KIAA1328: variants seen among roughly 807,000 people sequenced by gnomAD.
KIAA1328 encodes the protein protein hinderin.
Under a neutral mutation model 68.1 loss-of-function variants are expected in KIAA1328, and 52 were observed. That is an observed-to-expected ratio of 0.76 (90% CI 0.61 to 0.96). The LOEUF (loss-of-function observed/expected upper bound fraction) is 0.96. KIAA1328 is among the 40% of genes least tolerant of loss of function. The pLI is 0.00. For synonymous variants in KIAA1328, 232 were observed against 239.4 expected (o/e 0.97, Z 0.28); for missense variants, 641 against 677.6 (o/e 0.95, Z 0.60).
intron 6 of KIAA1328, among the ~76,000 whole-genome samples, chr18:37,037,314 A>G (rs976161587): frequency 1.3e-5 from 2 of 152,208 alleles, no homozygotes; most frequent in African/African-American, 4.8e-5. Flanking sequence ...TAAGAATGGC[A>G]GAAAGAAATC....
intron 6 of KIAA1328, among the ~76,000 whole-genome samples, chr18:37,053,461 G>A (rs1213042412): frequency 6.6e-6 from 1 of 152,062 alleles, no homozygotes; most frequent in African/African-American, 2.4e-5. Flanking sequence ...AAAAACAAAT[G>A]CAACAGAAAT....
intron 5 of KIAA1328, among the ~76,000 whole-genome samples, chr18:36,914,578 G>A (rs1055887526): frequency 6.6e-6 from 1 of 152,034 alleles, no homozygotes; most frequent in Admixed American, 6.6e-5. Context: ...ACATTAGCCA[G>A]GCGCAGTGGC....
intron 5 of KIAA1328, among the ~76,000 whole-genome samples, chr18:36,957,487 A>G (rs1365660027): frequency 6.6e-6 from 1 of 152,148 alleles, no homozygotes; most frequent in Middle Eastern, 3.2e-3. Flanking sequence ...ACATTTTCCA[A>G]TTTAGTATTT....
intron 7 of KIAA1328, among the ~76,000 whole-genome samples, chr18:37,099,371 G>A (rs1419975491): frequency 6.6e-6 from 1 of 152,218 alleles, no homozygotes; most frequent in African/African-American, 2.4e-5. Context: ...CAGTTTCCAT[G>A]TAGTTGAGCG....
rs768382710 is a variant in KIAA1328, at chr18:36,835,279, GTCCA to G, written c.141_144del (p.Ser47ArgfsTer12). 1 of 1,613,582 alleles carries G rather than the reference GTCCA, an allele frequency of 6.2e-7. No individual in the cohort carries two copies. Among genetic ancestry groups the G allele is most frequent in the South Asian group, 1.1e-5 (1 of 91,064 alleles). ...GTCAGATCAAGACACAAGCTGATGA[GTCCA>G]AAAGCTGATGTTAAACTTAAGACTT... On this transcript the variant is annotated frameshift_variant, in exon 3 of 10. Transcript: ENST00000280020. LOFTEE classifies it high-confidence loss of function.
intron 6 of KIAA1328, among the ~76,000 whole-genome samples, chr18:37,037,709 C>T (rs931622701): frequency 2.0e-5 from 3 of 151,168 alleles, no homozygotes; most frequent in Admixed American, 6.6e-5. Flanking sequence ...TCTGGTGAAA[C>T]CCCATCTCCA....
chr18:37,073,939 A>C (rs1299085151), intron 7 of KIAA1328, among the ~76,000 whole-genome samples: 1 of 152,080 alleles, frequency 6.6e-6, no homozygotes, highest in Non-Finnish European at 1.5e-5. Flanking sequence ...AGTGATTTTT[A>C]TTGCATTCTG....
At chr18:36,996,641 G>A (rs1044048578) in intron 6 of KIAA1328, among the ~76,000 whole-genome samples, 2 of 152,110 alleles carry the variant, frequency 1.3e-5, no homozygotes, top group Admixed American at 1.3e-4. Context: ...AATAAATGGG[G>A]ATGAGGGCAG....
chr18:37,071,198 G>T (rs1432223236), intron 7 of KIAA1328, among the ~76,000 whole-genome samples: 1 of 150,458 alleles, frequency 6.6e-6, no homozygotes, highest in Non-Finnish European at 1.5e-5. Flanking sequence ...TCAGTTTCCT[G>T]AGTAGCTGGA....
intron 6 of KIAA1328, among the ~76,000 whole-genome samples, chr18:37,022,646 T>A (rs2054391318): frequency 1.3e-5 from 2 of 152,226 alleles, no homozygotes; most frequent in African/African-American, 4.8e-5. Context: ...TCCTTTTGCT[T>A]CATACATTGT....
intron 4 of KIAA1328, among the ~76,000 whole-genome samples, chr18:36,847,105 C>T (rs1242910240): frequency 1.3e-5 from 2 of 151,398 alleles, no homozygotes; most frequent in South Asian, 2.1e-4. Context: ...TATGAGTACT[C>T]ATTTTTTATT....
intron 7 of KIAA1328, among the ~76,000 whole-genome samples, chr18:37,081,438 C>T (rs1289790180): frequency 6.6e-6 from 1 of 152,016 alleles, no homozygotes; most frequent in Non-Finnish European, 1.5e-5. Flanking sequence ...GAAAGTTGCC[C>T]TACTCTTTGG....
intron 6 of KIAA1328, among the ~76,000 whole-genome samples, chr18:37,034,343 T>G (rs1458597878): frequency 6.6e-6 from 1 of 152,188 alleles, no homozygotes; most frequent in Non-Finnish European, 1.5e-5. Flanking sequence ...TTGTTGTAAC[T>G]TGTAATTAAA....
At chr18:37,092,187 G>A (rs981833697) in intron 7 of KIAA1328, among the ~76,000 whole-genome samples, 13 of 151,972 alleles carry the variant, frequency 8.6e-5, no homozygotes, top group African/African-American at 1.7e-4. Flanking sequence ...TTAGGGGCCC[G>A]GGGATTAATT....
In KIAA1328 at chr18:37,067,401, C is replaced by G. The variant is rs767888785; in HGVS notation, c.1088C>G (p.Ser363Ter). Residue 363 changes from serine (S) to a stop codon, truncating the protein, a stop_gained, in exon 7 of 10, where the codon TCA becomes TGA. Coordinates refer to ENST00000280020, the MANE Select transcript of KIAA1328 (RefSeq NM_020776.3). LOFTEE classifies it high-confidence loss of function. ...QPIETLKKQISEDRKQQLMLQ... is the reference protein window; with the variant it reads ...QPIETLKKQI ...ATTGAAACTTTGAAAAAGCAGATCT[C>G]AGAAGATAGAAAGCAGCAACTGATG... is the stretch of plus-strand genomic sequence containing the variant. 1 of 1,612,354 alleles carries G rather than the reference C, an allele frequency of 6.2e-7. No individual in the cohort carries two copies. The highest frequency in any genetic ancestry group is 8.5e-7 in the Non-Finnish European group (1 of 1,179,118).
intron 5 of KIAA1328, among the ~76,000 whole-genome samples, chr18:36,929,747 C>CTAGT (rs1030560109): frequency 1.3e-5 from 2 of 151,998 alleles, no homozygotes; most frequent in African/African-American, 4.8e-5. Context: ...AATATAGGGC[C>CTAGT]TAGTTAGCAG....
chr18:37,139,102 G>A (rs1432684989), intron 7 of KIAA1328, among the ~76,000 whole-genome samples: 1 of 151,846 alleles, frequency 6.6e-6, no homozygotes, highest in Admixed American at 6.6e-5. Context: ...AAATACAGGT[G>A]CCCGCCACCA....
At chr18:37,133,267 G>C (rs1270434153) in intron 7 of KIAA1328, among the ~76,000 whole-genome samples, 1 of 151,808 alleles carries the variant, frequency 6.6e-6, no homozygotes, top group African/African-American at 2.4e-5. Context: ...GGGAGGCAGA[G>C]GTTGCAGTGA....
At chr18:37,143,407 A>G (rs1374532564) in intron 7 of KIAA1328, among the ~76,000 whole-genome samples, 2 of 152,020 alleles carry the variant, frequency 1.3e-5, no homozygotes, top group Non-Finnish European at 2.9e-5. Context: ...GATGTAGTCT[A>G]CCAGTGTTTA....
Sources: allele counts gnomAD v4.1 joint callset (sites outside exome capture counted in the v4.1 genomes callset), GRCh38; gene constraint gnomAD v4.1.1; transcripts MANE v1.5; gene names NCBI Gene and HGNC (gene_info 2026-07-23, HGNC 2026-07-21).